The following UBE4B variants were observed in gnomAD, a reference collection of about 807,000 sequenced individuals.
The protein encoded by UBE4B is ubiquitin conjugation factor E4 B.
In UBE4B, 27 loss-of-function variants were observed where a neutral mutation model predicts 148.1. The observed-to-expected ratio is 0.18, with a 90% CI of 0.13 to 0.25. The LOEUF (loss-of-function observed/expected upper bound fraction) is 0.25, where lower values mean the gene tolerates loss of function less well. Ranked by LOEUF, UBE4B falls within the 10% of genes least tolerant of loss-of-function variation. The pLI is 1.00. For missense variants in UBE4B, 1,170 were observed against 1,662.4 expected, an observed-to-expected ratio of 0.70 and a Z score of 5.15; for synonymous variants, 596 against 619.3, an observed-to-expected ratio of 0.96 and a Z score of 0.56.
At chr1:10,147,495 C>T (rs1358073544) in intron 19 of UBE4B, among the ~76,000 whole-genome samples, 3 of 151,556 alleles carry the variant, frequency 2.0e-5, no homozygotes, top group African/African-American at 7.3e-5. Context: ...TCTGTCCCCA[C>T]CCAAAAAAAA....
At chr1:10,080,688 G>T (rs1644664007) in intron 2 of UBE4B, among the ~76,000 whole-genome samples, 1 of 152,202 alleles carries the variant, frequency 6.6e-6, no homozygotes, top group Non-Finnish European at 1.5e-5. Flanking sequence ...AATGGGAAAA[G>T]AAACTGTGGT....
intron 4 of UBE4B, among the ~76,000 whole-genome samples, chr1:10,101,406 T>G (rs559552442): frequency 6.6e-6 from 1 of 151,974 alleles, no homozygotes; most frequent in Non-Finnish European, 1.5e-5. Context: ...TATCCATCTG[T>G]TTTTGGTTCA....
At chr1:10,112,786 A>G (rs1007239479) in intron 7 of UBE4B, among the ~76,000 whole-genome samples, 2 of 152,306 alleles carry the variant, frequency 1.3e-5, no homozygotes, top group East Asian at 3.9e-4. Flanking sequence ...CTTGTAAATC[A>G]GTTTTTGACC....
chr1:10,072,782 G>C, intron 2 of UBE4B: 1 of 274,946 alleles, frequency 3.6e-6, no homozygotes, highest in South Asian at 1.2e-4. Flanking sequence ...CTCATACTGT[G>C]TATTTGAAAA....
intron 1 of UBE4B, among the ~76,000 whole-genome samples, chr1:10,057,025 T>C (rs1644185840): frequency 6.6e-6 from 1 of 151,960 alleles, no homozygotes; most frequent in African/African-American, 2.4e-5. Flanking sequence ...TTTGCCACAC[T>C]GATCTTGAAT....
intron 7 of UBE4B, chr1:10,107,414 A>T: frequency 7.9e-7 from 1 of 1,258,138 alleles, no homozygotes; most frequent in Non-Finnish European, 1.0e-6. Context: ...ATGTGCGTAG[A>T]TGCTTAGGAA....
chr1:10,172,945 T>C (rs1030369731), intron 25 of UBE4B, among the ~76,000 whole-genome samples: 3 of 152,174 alleles, frequency 2.0e-5, no homozygotes, highest in Admixed American at 2.0e-4. Flanking sequence ...TTCAGTACAG[T>C]CCCACACTGT....
In UBE4B at chr1:10,149,180, A is replaced by T. The variant is rs1645930927; in HGVS notation, c.2592-4A>T. 1 of 1,573,548 alleles carries T rather than the reference A, an allele frequency of 6.4e-7. No homozygotes were observed. Among genetic ancestry groups the T allele is most frequent in the Admixed American group, 2.0e-5 (1 of 49,936 alleles). On this transcript the variant is annotated splice_polypyrimidine_tract_variant and splice_region_variant and intron_variant, in intron 19 of 27. Coordinates refer to ENST00000343090, the MANE Select transcript of UBE4B (RefSeq NM_001105562.3). ...ATAAATTGTCCTTTTTTTCTCTTTGACAGTATAACACTGCCTTTAAATTCA... is the reference window on the plus strand; with the variant it reads ...ATAAATTGTCCTTTTTTTCTCTTTGTCAGTATAACACTGCCTTTAAATTCA...
At chr1:10,102,311 A>G (rs1272238873) in intron 4 of UBE4B, among the ~76,000 whole-genome samples, 1 of 149,800 alleles carries the variant, frequency 6.7e-6, no homozygotes, top group African/African-American at 2.4e-5. Flanking sequence ...GTCCTATGGA[A>G]TTCAGAAAAG....
Position 10,179,481 on chromosome 1 carries a change from T to C in UBE4B, c.3766T>C (p.Ser1256Pro), listed in dbSNP as rs2102049787. Reference sequence around the variant, plus strand: ...GCCCTCTGGCACCATCATGGACCGCTCCATCATCCTGCGGCACCTGCTCAA... The same window carrying C: ...GCCCTCTGGCACCATCATGGACCGCCCCATCATCCTGCGGCACCTGCTCAA... ...RLPSGTIMDRSIILRHLLNSP... is the reference protein window; with the variant it reads ...RLPSGTIMDRPIILRHLLNSP... The change falls in exon 27 of 28, where the codon TCC becomes CCC. Residue 1256 changes from serine (S) to proline (P), a missense_variant. Ser to Pro is a moderately conservative substitution (Grantham distance 74, BLOSUM62 -1). Coordinates refer to ENST00000343090, the MANE Select transcript of UBE4B (RefSeq NM_001105562.3). 1 of 1,613,940 alleles carries C rather than the reference T, an allele frequency of 6.2e-7. No individual in the cohort carries two copies. Among genetic ancestry groups the C allele is most frequent in the Non-Finnish European group, 8.5e-7 (1 of 1,179,986 alleles).
intron 9 of UBE4B, among the ~76,000 whole-genome samples, chr1:10,121,527 A>G (rs746995227): frequency 2.0e-5 from 3 of 152,062 alleles, no homozygotes; most frequent in Non-Finnish European, 2.9e-5. Flanking sequence ...CCAAGTAGCC[A>G]GGACTCCAGG....
chr1:10,081,741 A>G (rs1644685404), intron 2 of UBE4B, among the ~76,000 whole-genome samples: 1 of 152,154 alleles, frequency 6.6e-6, no homozygotes, highest in Admixed American at 6.6e-5. Flanking sequence ...GGCACTGGCC[A>G]CCACGCCCAA....
At chr1:10,086,987 T>C (rs1362260736) in intron 2 of UBE4B, among the ~76,000 whole-genome samples, 2 of 152,182 alleles carry the variant, frequency 1.3e-5, no homozygotes, top group East Asian at 3.8e-4. Context: ...GTCTCTTTTT[T>C]AGTACTTAGG....
intron 21 of UBE4B, among the ~76,000 whole-genome samples, chr1:10,154,060 C>T (rs1354413276): frequency 6.6e-6 from 1 of 150,408 alleles, no homozygotes; most frequent in Admixed American, 6.6e-5. Flanking sequence ...CCAGCCTGGG[C>T]AACAAGAGCA....
chr1:10,159,624 G>A (rs1350884790), intron 22 of UBE4B, among the ~76,000 whole-genome samples: 1 of 152,202 alleles, frequency 6.6e-6, no homozygotes, highest in East Asian at 1.9e-4. Context: ...GGCGGAGCTT[G>A]CAGTGAGCCG....
At chr1:10,145,716 T>C (rs1296101486) in intron 18 of UBE4B, 1 of 152,308 alleles carries the variant, frequency 6.6e-6, no homozygotes, top group Non-Finnish European at 1.5e-5. Flanking sequence ...TATCTAGCCA[T>C]GCATTTCCAT....
At chr1:10,060,938 A>G (rs193105670) in intron 1 of UBE4B, among the ~76,000 whole-genome samples, 15 of 152,044 alleles carry the variant, frequency 9.9e-5, no homozygotes, top group Non-Finnish European at 7.4e-5. Context: ...TAGAGAAGTC[A>G]TCTTACTATG....
chr1:10,035,803 C>T (rs1259439011), intron 1 of UBE4B, among the ~76,000 whole-genome samples: 2 of 150,226 alleles, frequency 1.3e-5, no homozygotes, highest in Non-Finnish European at 3.0e-5. Flanking sequence ...AGTGCAGTGG[C>T]GCGATCTCAG....
intron 2 of UBE4B, among the ~76,000 whole-genome samples, chr1:10,075,357 G>A (rs1016759125): frequency 2.0e-5 from 3 of 152,116 alleles, no homozygotes; most frequent in Non-Finnish European, 2.9e-5. Flanking sequence ...CACCTCCACC[G>A]CTATTACCCA....
Sources: allele counts gnomAD v4.1 joint callset (sites outside exome capture counted in the v4.1 genomes callset), GRCh38; gene constraint gnomAD v4.1.1; transcripts MANE v1.5; gene names NCBI Gene and HGNC (gene_info 2026-07-23, HGNC 2026-07-21).